Variants in WDFY4 observed in about 807,000 individuals in gnomAD.
WDFY4 encodes the protein WD repeat- and FYVE domain-containing protein 4.
A neutral mutation model predicts 351.9 loss-of-function variants in WDFY4; 169 were observed. That is an observed-to-expected ratio of 0.48 (90% CI 0.42 to 0.55). The LOEUF (loss-of-function observed/expected upper bound fraction) is 0.55. Ranked by LOEUF, WDFY4 falls within the 20% of genes least tolerant of loss-of-function variation. WDFY4 has a pLI of 0.00. For missense variants in WDFY4, 3,803 were observed against 3,935.6 expected, an observed-to-expected ratio of 0.97 and a Z score of 0.90; for synonymous variants, 1,622 against 1,574.6, an observed-to-expected ratio of 1.03 and a Z score of -0.71.
chr10:48,908,468 C>T (rs557231346), intron 47 of WDFY4, among the ~76,000 whole-genome samples: 2 of 152,274 alleles, frequency 1.3e-5, no homozygotes, highest in South Asian at 2.1e-4. Context: ...CCGGCTGAGC[C>T]GAGGTTAAGG....
intron 34 of WDFY4, among the ~76,000 whole-genome samples, chr10:48,821,698 C>A (rs951519739): frequency 6.6e-6 from 1 of 152,206 alleles, no homozygotes; most frequent in African/African-American, 2.4e-5. Flanking sequence ...GGTTCCCAAG[C>A]CACAGGAATC....
chr10:48,942,423 C>T (rs895228771), intron 48 of WDFY4, among the ~76,000 whole-genome samples: 1 of 151,994 alleles, frequency 6.6e-6, no homozygotes, highest in Non-Finnish European at 1.5e-5. Context: ...TGTACCTGTA[C>T]ACTATGGATG....
At chr10:48,976,761 C>T (rs753078902) in intron 58 of WDFY4, 36 bp from the exon 59 acceptor site, 9 of 1,319,772 alleles carry the variant, frequency 6.8e-6, no homozygotes, top group African/African-American at 4.6e-5. Flanking sequence ...CAGGCAGTGA[C>T]TCCAGCTTAG....
chr10:48,905,735 C>T (rs576458545), intron 47 of WDFY4, among the ~76,000 whole-genome samples: 2 of 152,350 alleles, frequency 1.3e-5, no homozygotes, highest in African/African-American at 4.8e-5. Flanking sequence ...TGAGGCCACC[C>T]ATGCAGTGAG....
intron 39 of WDFY4, among the ~76,000 whole-genome samples, chr10:48,841,903 G>A (rs1366383859): frequency 6.6e-6 from 1 of 152,142 alleles, no homozygotes; most frequent in Non-Finnish European, 1.5e-5. Context: ...AAACAATTCT[G>A]ATTGAATCCT....
intron 34 of WDFY4, among the ~76,000 whole-genome samples, chr10:48,822,075 C>T (rs1404859301): frequency 6.6e-6 from 1 of 152,156 alleles, no homozygotes; most frequent in Non-Finnish European, 1.5e-5. Flanking sequence ...CATCATGATG[C>T]CTGCTCATTT....
intron 12 of WDFY4, among the ~76,000 whole-genome samples, chr10:48,748,622 T>A (rs1325230162): frequency 1.3e-5 from 2 of 152,246 alleles, no homozygotes; most frequent in Non-Finnish European, 2.9e-5. Flanking sequence ...GTGTCAAATG[T>A]CATCCTGGTT....
chr10:48,932,710 G>C (rs1278976836), intron 47 of WDFY4: 1 of 152,018 alleles, frequency 6.6e-6, no homozygotes, highest in African/African-American at 2.4e-5. Flanking sequence ...TGGTGTAAAT[G>C]CTCTGCAAAT....
intron 28 of WDFY4, among the ~76,000 whole-genome samples, chr10:48,808,447 A>T (rs934342983): frequency 2.0e-5 from 3 of 152,242 alleles, no homozygotes; most frequent in African/African-American, 7.2e-5. Context: ...GTAATCATAA[A>T]GCTGATTCCA....
At chr10:48,806,790 T>C (rs935363037) in intron 27 of WDFY4, among the ~76,000 whole-genome samples, 2 of 152,356 alleles carry the variant, frequency 1.3e-5, no homozygotes, top group East Asian at 1.9e-4. Context: ...CTAAGCCACA[T>C]ATAGCCATTT....
At chr10:48,843,754 A>G (rs1174101047) in intron 39 of WDFY4, among the ~76,000 whole-genome samples, 2 of 152,216 alleles carry the variant, frequency 1.3e-5, no homozygotes, top group Non-Finnish European at 2.9e-5. Context: ...TTCCCAATGT[A>G]AGATGTACCT....
In WDFY4 at chr10:48,978,355, C is replaced by T; in HGVS notation, c.9338C>T (p.Ala3113Val). ...DVKMSVPGRP[A>V]GEEPPAQPPS... ...AAGATGTCTGTTCCTGGACGGCCAG[C>T]AGGAGAGGAGCCCCCGGCTCAGCCT... The change falls in exon 60 of 62, where the codon GCA becomes GTA. Residue 3113 changes from alanine to valine, a missense_variant. Ala to Val is a moderately conservative substitution (Grantham distance 64). This residue lies in a region of WDFY4 where 3,054 missense variants were observed against 3,148.6 expected (regional missense o/e 0.97). Transcript: ENST00000325239. 5.8e-6 allele frequency: 9 copies of T among 1,551,422 alleles called. No individual in the cohort carries two copies. Among genetic ancestry groups the T allele is most frequent in the Non-Finnish European group, 7.0e-6 (8 of 1,146,864 alleles).
chr10:48,974,070 C>T (rs1842446545), intron 57 of WDFY4, among the ~76,000 whole-genome samples: 1 of 152,202 alleles, frequency 6.6e-6, no homozygotes, highest in Non-Finnish European at 1.5e-5. Context: ...ATTCAGACTT[C>T]AGGGCCCCAT....
At chr10:48,702,793 C>T (rs941157919) in intron 1 of WDFY4, among the ~76,000 whole-genome samples, 9 of 151,708 alleles carry the variant, frequency 5.9e-5, no homozygotes, top group South Asian at 2.1e-4. Context: ...TAACTTTCCC[C>T]GAAACTGCCA....
intron 39 of WDFY4, among the ~76,000 whole-genome samples, chr10:48,860,486 G>T (rs73312052): frequency 6.6e-6 from 1 of 152,080 alleles, no homozygotes. Context: ...TTCTTATGAG[G>T]ACACTAATAC....
At chr10:48,911,784 A>C (rs1359357075) in intron 47 of WDFY4, among the ~76,000 whole-genome samples, 1 of 152,240 alleles carries the variant, frequency 6.6e-6, no homozygotes, top group African/African-American at 2.4e-5. Context: ...TGGTTCTGTT[A>C]CTTCTACAAT....
At chr10:48,897,691 G>T in intron 45 of WDFY4, 117 bp downstream of exon 45, 1 of 1,425,716 alleles carries the variant, frequency 7.0e-7, no homozygotes, top group Non-Finnish European at 9.3e-7. Flanking sequence ...CCTATGCACA[G>T]CCCAGTGCCC....
intron 39 of WDFY4, among the ~76,000 whole-genome samples, chr10:48,853,597 A>G (rs377596428): frequency 4.6e-5 from 7 of 152,228 alleles, no homozygotes; most frequent in African/African-American, 1.2e-4. Flanking sequence ...CATTAAATCA[A>G]TTCTCCAAAT....
intron 19 of WDFY4, among the ~76,000 whole-genome samples, chr10:48,783,133 T>A (rs548235384): frequency 1.3e-5 from 2 of 152,292 alleles, no homozygotes; most frequent in South Asian, 4.1e-4. Context: ...AATACAGTCA[T>A]CCCTCAGTTT....
Sources: allele counts gnomAD v4.1 joint callset (sites outside exome capture counted in the v4.1 genomes callset), GRCh38; gene constraint gnomAD v4.1.1; regional missense constraint gnomAD v4.1.1; transcripts MANE v1.5; gene names NCBI Gene and HGNC (gene_info 2026-07-23, HGNC 2026-07-21).